The following EYS variants were observed in gnomAD, a reference collection of about 807,000 sequenced individuals.
The protein encoded by EYS is EGF-like photoreceptor maintenance factor.
A neutral mutation model predicts 282.1 loss-of-function variants in EYS; 250 were observed. The observed-to-expected ratio is 0.89, with a 90% confidence interval of 0.80 to 0.98. The LOEUF (loss-of-function observed/expected upper bound fraction) is 0.98, where lower values mean the gene tolerates loss of function less well. EYS is among the 50% of genes least tolerant of loss of function. EYS has a pLI of 0.00. For missense variants in EYS, 4,016 were observed against 3,709.0 expected (o/e 1.08, Z -2.15); for synonymous variants, 1,355 against 1,282.9 (o/e 1.06, Z -1.20).
chr6:64,591,127 G>T lies in EYS; in HGVS notation c.4740C>A (p.Ser1580=). 1 of 1,551,168 alleles carries T rather than the reference G, an allele frequency of 6.4e-7. No individual in the cohort carries two copies. The highest frequency in any genetic ancestry group is 1.2e-5 in the South Asian group (1 of 84,036). ...FSDQVLHSKQ[S]HFYETFWMNS... Reference sequence around the variant, plus strand: ...TCATCCAGAATGTCTCATAAAAGTGGGACTGTTTGCTATGCAAAACTTGAT... The same window carrying T: ...TCATCCAGAATGTCTCATAAAAGTGTGACTGTTTGCTATGCAAAACTTGAT... Residue 1580 remains serine, a synonymous_variant, in exon 26 of 43, where the codon TCC becomes TCA. Coordinates refer to ENST00000503581, the MANE Select transcript of EYS (RefSeq NM_001142800.2).
At chr6:64,651,775 G>T (rs568881436) in intron 22 of EYS, among the ~76,000 whole-genome samples, 15 of 152,204 alleles carry the variant, frequency 9.9e-5, no homozygotes, top group East Asian at 5.8e-4. Flanking sequence ...TGGAAAATTA[G>T]AACAAAATGA....
chr6:64,735,955 G>C (rs1772172090), intron 22 of EYS, among the ~76,000 whole-genome samples: 1 of 151,904 alleles, frequency 6.6e-6, no homozygotes, highest in Non-Finnish European at 1.5e-5. Flanking sequence ...ACATATTTCA[G>C]TTACAATCAA....
intron 22 of EYS, among the ~76,000 whole-genome samples, chr6:64,764,339 C>G (rs1773256420): frequency 6.6e-6 from 1 of 152,376 alleles, no homozygotes; most frequent in African/African-American, 2.4e-5. Context: ...AGGCCCAACA[C>G]CACGTGGAAG....
At chr6:65,227,877 G>A (rs1317330501) in intron 12 of EYS, among the ~76,000 whole-genome samples, 11 of 152,070 alleles carry the variant, frequency 7.2e-5, no homozygotes, top group Admixed American at 7.2e-4. Context: ...AATTCATAGA[G>A]ACAGAAAATA....
chr6:63,781,828 G>A (rs556421911), intron 39 of EYS, among the ~76,000 whole-genome samples: 2 of 152,160 alleles, frequency 1.3e-5, no homozygotes, highest in South Asian at 4.2e-4. Context: ...ATCTTGTGCC[G>A]GTTTTCAAAG....
chr6:63,959,828 C>T (rs964755586), intron 35 of EYS, among the ~76,000 whole-genome samples: 1 of 152,112 alleles, frequency 6.6e-6, no homozygotes, highest in South Asian at 2.1e-4. Context: ...CACATGGACA[C>T]AGAGGAACAA....
intron 29 of EYS, among the ~76,000 whole-genome samples, chr6:64,376,867 T>C (rs1346055043): frequency 6.6e-6 from 1 of 152,172 alleles, no homozygotes; most frequent in East Asian, 1.9e-4. Context: ...TCAGGATAGG[T>C]TTCCTCAGCT....
chr6:65,329,709 C>T, intron 11 of EYS: 2 of 975,774 alleles, frequency 2.0e-6, no homozygotes, highest in Non-Finnish European at 2.4e-6. Context: ...GACATCACGG[C>T]AGAAATTACA....
At chr6:65,008,710 T>C (rs1771770146) in intron 13 of EYS, among the ~76,000 whole-genome samples, 1 of 152,154 alleles carries the variant, frequency 6.6e-6, no homozygotes, top group South Asian at 2.1e-4. Flanking sequence ...CAGAAGCCAC[T>C]AACCAGATGA....
rs539371443 is a variant in EYS, at chr6:65,383,016, C to T, written c.1299+1370G>A. On this transcript the variant is annotated intron_variant, in intron 8 of 42. Transcript: ENST00000503581. ...CCTTGATACTCTAGCTTGAAAGTAA[C>T]TCTTGAAATCAGGTTGGTAAAATCC... Among the ~76,000 whole-genome samples the T allele has an allele frequency of 5.1e-4, 77 of 152,126 alleles. 1 individual carries two copies. The highest frequency in any genetic ancestry group is 1.6e-3 in the Admixed American group (24 of 15,250).
intron 27 of EYS, among the ~76,000 whole-genome samples, chr6:64,438,763 G>T (rs751069019): frequency 6.6e-6 from 1 of 151,632 alleles, no homozygotes; most frequent in African/African-American, 2.4e-5. Flanking sequence ...TCTCCGTATA[G>T]TATATGAGCT....
At chr6:65,330,879 T>G (rs748313722) in intron 11 of EYS, 85 of 960,118 alleles carry the variant, frequency 8.9e-5, no homozygotes, top group Non-Finnish European at 1.0e-4. Flanking sequence ...TCCAGTTTCA[T>G]TTAAGGTCTT....
At chr6:65,097,325 G>A (rs540756087) in intron 12 of EYS, among the ~76,000 whole-genome samples, 4 of 150,718 alleles carry the variant, frequency 2.7e-5, no homozygotes, top group Non-Finnish European at 6.0e-5. Context: ...GGATGGCTAT[G>A]ATCAAAAAAC....
chr6:64,873,707 A>T (rs1208305095), intron 19 of EYS, among the ~76,000 whole-genome samples: 1 of 151,344 alleles, frequency 6.6e-6, no homozygotes. Context: ...TACAAAAAAA[A>T]TTATCAGTTA....
At chr6:64,959,299 CTG>C (rs1769832670) in intron 14 of EYS, among the ~76,000 whole-genome samples, 1 of 152,184 alleles carries the variant, frequency 6.6e-6, no homozygotes, top group Admixed American at 6.5e-5. Flanking sequence ...GCCCTCCAAT[CTG>C]TGTTTTGCAT....
intron 28 of EYS, among the ~76,000 whole-genome samples, chr6:64,401,269 T>A (rs1221429951): frequency 6.6e-6 from 1 of 152,112 alleles, no homozygotes; most frequent in African/African-American, 2.4e-5. Context: ...CTGACTCAAA[T>A]CTTAAGCTTA....
intron 2 of EYS, among the ~76,000 whole-genome samples, chr6:65,578,991 A>T (rs1423592485): frequency 1.2e-3 from 184 of 152,256 alleles, no homozygotes; most frequent in Non-Finnish European, 2.4e-4. Flanking sequence ...TATTTTCCAA[A>T]GCTGTGTAAG....
intron 2 of EYS, among the ~76,000 whole-genome samples, chr6:65,541,171 T>C (rs1390018617): frequency 6.6e-6 from 1 of 152,172 alleles, no homozygotes; most frequent in Admixed American, 6.5e-5. Context: ...AGTTAGGTGG[T>C]GCCACTTTAT....
intron 15 of EYS, among the ~76,000 whole-genome samples, chr6:64,932,067 C>T (rs1309600545): frequency 6.6e-6 from 1 of 152,022 alleles, no homozygotes; most frequent in African/African-American, 2.4e-5. Context: ...GAACTAAAGG[C>T]TTGAAACAAT....
Sources: allele counts gnomAD v4.1 joint callset (sites outside exome capture counted in the v4.1 genomes callset), GRCh38; gene constraint gnomAD v4.1.1; transcripts MANE v1.5; gene names NCBI Gene and HGNC (gene_info 2026-07-23, HGNC 2026-07-21).